Variants in ZNF831 observed in about 807,000 individuals in gnomAD.
The protein encoded by ZNF831 is chromosome 20 open reading frame 174.
In ZNF831, 59 loss-of-function variants were observed where a neutral mutation model predicts 95.8. That is an observed-to-expected ratio of 0.62 (90% CI 0.50 to 0.77). The LOEUF is 0.77. Ranked by LOEUF, ZNF831 falls within the 30% of genes least tolerant of loss-of-function variation. ZNF831 has a pLI of 0.00. For synonymous variants in ZNF831, 961 were observed against 925.5 expected (o/e 1.04, Z -0.70); for missense variants, 2,205 against 2,164.0 (o/e 1.02, Z -0.38).
intron 4 of ZNF831, among the ~76,000 whole-genome samples, chr20:59,222,543 A>G (rs1986154991): frequency 6.6e-6 from 1 of 151,086 alleles, no homozygotes; most frequent in Admixed American, 6.6e-5. Context: ...AAAGTTACCC[A>G]TGAATTTACC....
Position 59,206,963 on chromosome 20 carries a change from C to A in ZNF831, c.3934C>A (p.Pro1312Thr). 6.2e-7 allele frequency: 1 copy of A among 1,614,210 alleles called. No homozygotes were observed. The highest frequency in any genetic ancestry group is 1.1e-5 in the South Asian group (1 of 91,086). ...VQLRASRLRT[P>T]TWVRRRSRHP... ...GCTGAGAGCCAGTAGACTTCGCACA[C>A]CAACCTGGGTGCGAAGAAGAAGCCG... The change falls in exon 4 of 6, where the codon CCA becomes ACA. Residue 1312 changes from proline (P) to threonine (T), a missense_variant. By Grantham distance (38) the Pro-to-Thr change is conservative. Coordinates refer to ENST00000371030, the MANE Select transcript of ZNF831 (RefSeq NM_178457.3).
chr20:59,145,657 T>C (rs1300330472), intron 1 of ZNF831, among the ~76,000 whole-genome samples: 1 of 152,222 alleles, frequency 6.6e-6, no homozygotes, highest in Non-Finnish European at 1.5e-5. Flanking sequence ...ATGTCAGATA[T>C]GGAAGCCCAC....
chr20:59,170,247 C>T lies in ZNF831; in HGVS notation c.-37+6040C>T, dbSNP rs1331565242. Among the ~76,000 whole-genome samples, 4 of 152,056 alleles carry T rather than the reference C, an allele frequency of 2.6e-5. No individual in the cohort carries two copies. In the East Asian group the frequency reaches 7.7e-4, roughly 29 times the overall value. ...TGAAATCATCACACTGTGGGAAATG[C>T]TCCTCTTTTCTAATGTAAACATTTA... On this transcript the variant is annotated intron_variant, in intron 1 of 5. Transcript: ENST00000371030.
chr20:59,131,411 G>A (rs1381175316), intron 1 of ZNF831, among the ~76,000 whole-genome samples: 2 of 152,214 alleles, frequency 1.3e-5, no homozygotes, highest in Non-Finnish European at 2.9e-5. Context: ...AGCTCAGGGG[G>A]TCCTTGGGAG....
intron 1 of ZNF831, among the ~76,000 whole-genome samples, chr20:59,176,113 C>G (rs1407965824): frequency 6.6e-6 from 1 of 152,186 alleles, no homozygotes; most frequent in Non-Finnish European, 1.5e-5. Context: ...GTGGCACACC[C>G]ACACCGTAAA....
At chr20:59,249,434 G>A (rs2146747334) in intron 4 of ZNF831, among the ~76,000 whole-genome samples, 1 of 152,258 alleles carries the variant, frequency 6.6e-6, no homozygotes, top group South Asian at 2.1e-4. Context: ...ATAGGCGTCT[G>A]CTTCCTTGTC....
At chr20:59,236,180 T>C (rs1220633426) in intron 4 of ZNF831, among the ~76,000 whole-genome samples, 2 of 152,170 alleles carry the variant, frequency 1.3e-5, no homozygotes, top group Non-Finnish European at 2.9e-5. Context: ...GAGACACTGG[T>C]GATGTGGCTG....
At chr20:59,252,882 A>C (rs765886771) in intron 4 of ZNF831, 96 bp from the exon 5 acceptor site, 4 of 1,348,528 alleles carry the variant, frequency 3.0e-6, no homozygotes, top group South Asian at 2.9e-5. Context: ...TAATGAGCTC[A>C]GAGGCGATCA....
rs2146765529 is a variant in ZNF831 at position 59,254,190 on chromosome 20, G to A, written c.4481G>A (p.Cys1494Tyr). The change falls in exon 6 of 6, where the codon TGT (cysteine) becomes TAT (tyrosine). Residue 1494 changes from cysteine (C) to tyrosine (Y), a missense_variant. Physicochemically the swap from Cys to Tyr is radical, Grantham distance 194. Coordinates refer to ENST00000371030, the MANE Select transcript of ZNF831 (RefSeq NM_178457.3). The surrounding 1 kb of genome is among the most constrained non-coding windows in gnomAD (Gnocchi z 4.5). ...HDIATSVAAVCISLPVRTDHI... is the reference protein window; with the variant it reads ...HDIATSVAAVYISLPVRTDHI... Reference sequence around the variant, plus strand: ...ATTGCTACCTCTGTGGCTGCCGTTTGTATTTCTCTGCCAGTGAGAACAGAT... The same window carrying A: ...ATTGCTACCTCTGTGGCTGCCGTTTATATTTCTCTGCCAGTGAGAACAGAT... The A allele has an allele frequency of 6.2e-7, 1 of 1,614,068 alleles. No individual in the cohort carries two copies. Among genetic ancestry groups the A allele is most frequent in the Non-Finnish European group, 8.5e-7 (1 of 1,180,008 alleles).
At chr20:59,147,426 T>C (rs1203847691) in intron 2 of ZNF831, among the ~76,000 whole-genome samples, 1 of 152,252 alleles carries the variant, frequency 6.6e-6, no homozygotes. Context: ...AATGTTCTGC[T>C]CTCTGACCTT....
intron 4 of ZNF831, among the ~76,000 whole-genome samples, chr20:59,211,503 G>A (rs1441444211): frequency 1.3e-5 from 2 of 152,214 alleles, no homozygotes; most frequent in Non-Finnish European, 2.9e-5. Flanking sequence ...ACACCATGGA[G>A]TTGGAGGGTG....
chr20:59,166,551 C>G (rs1981278742), intron 1 of ZNF831, among the ~76,000 whole-genome samples: 1 of 152,008 alleles, frequency 6.6e-6, no homozygotes, highest in South Asian at 2.1e-4. Context: ...CGTGGACACC[C>G]CAAATCCCTC....
chr20:59,235,490 G>C (rs1986951313), intron 4 of ZNF831, among the ~76,000 whole-genome samples: 1 of 152,164 alleles, frequency 6.6e-6, no homozygotes, highest in African/African-American at 2.4e-5. Flanking sequence ...TTCCAGAGCA[G>C]AGTTAACCTA....
chr20:59,194,340 T>G lies in ZNF831; in HGVS notation c.3321T>G (p.Pro1107=). The G allele has an allele frequency of 6.2e-7, 1 of 1,613,398 alleles. No individual in the cohort carries two copies. The highest frequency in any genetic ancestry group is 8.5e-7 in the Non-Finnish European group (1 of 1,179,784). ...CCAACTGGGAGCTGGGGGAGCCTCC[T>G]GGGAATGCCCCAGAAGATCCTTCTT... ...WVPNWELGEP[P]GNAPEDPSSG... Residue 1107 remains proline, a synonymous_variant, in exon 2 of 6, where the codon CCT becomes CCG. Transcript: ENST00000371030.
rs779368758 is a variant in ZNF831, at chr20:59,191,393, C to G, written c.374C>G (p.Ser125Trp). The G allele has an allele frequency of 2.5e-6, 4 of 1,609,518 alleles. No individual in the cohort carries two copies. The highest frequency in any genetic ancestry group is 3.4e-6 in the Non-Finnish European group (4 of 1,178,124). ...VNIVGTLPVL[S>W]PGLGPTLGSP... ...ATCGTGGGCACTCTGCCTGTCCTGT[C>G]GCCGGGCCTGGGCCCCACGCTGGGC... The change falls in exon 2 of 6, where the codon TCG becomes TGG. Residue 125 changes from serine (S) to tryptophan (W), a missense_variant. Physicochemically the swap from Ser to Trp is radical, Grantham distance 177. Coordinates refer to ENST00000371030, the MANE Select transcript of ZNF831 (RefSeq NM_178457.3).
chr20:59,186,875 A>G (rs1014628232), intron 1 of ZNF831, among the ~76,000 whole-genome samples: 4 of 151,736 alleles, frequency 2.6e-5, no homozygotes, highest in Non-Finnish European at 5.9e-5. Context: ...AGTGGGTGCA[A>G]TGGTCTTCTG....
chr20:59,175,711 T>A (rs191769569), intron 1 of ZNF831, among the ~76,000 whole-genome samples: 3 of 152,356 alleles, frequency 2.0e-5, no homozygotes, highest in Non-Finnish European at 4.4e-5. Context: ...TTCATAGCTG[T>A]CAGGGAATCC....
chr20:59,242,882 C>T (rs942418211), intron 4 of ZNF831, among the ~76,000 whole-genome samples: 1 of 152,168 alleles, frequency 6.6e-6, no homozygotes, highest in African/African-American at 2.4e-5. Context: ...CTGGTCACCT[C>T]AGACTCTCAA....
At chr20:59,180,656 A>C (rs907616159) in intron 1 of ZNF831, among the ~76,000 whole-genome samples, 7 of 152,188 alleles carry the variant, frequency 4.6e-5, no homozygotes, top group Non-Finnish European at 1.0e-4. Context: ...TAGTTTGCTG[A>C]GAATGATGGC....
Sources: allele counts gnomAD v4.1 joint callset (sites outside exome capture counted in the v4.1 genomes callset), GRCh38; gene constraint gnomAD v4.1.1; non-coding constraint Gnocchi (gnomAD v3.1); transcripts MANE v1.5; gene names NCBI Gene and HGNC (gene_info 2026-07-23, HGNC 2026-07-21).